TC2N: variants seen among roughly 807,000 people sequenced by gnomAD.
TC2N encodes the protein tandem C2 domains, nuclear.
TC2N carries 51 observed loss-of-function variants against 61.9 expected under a neutral mutation model. That is an observed-to-expected ratio of 0.82 (90% confidence interval 0.66 to 1.04). TC2N has a LOEUF of 1.04. Ranked by LOEUF, TC2N falls within the 50% of genes least tolerant of loss-of-function variation. The pLI is 0.00. For missense variants in TC2N, 556 were observed against 566.7 expected, an observed-to-expected ratio of 0.98 and a Z score of 0.19; for synonymous variants, 204 against 192.6, an observed-to-expected ratio of 1.06 and a Z score of -0.49.
intron 11 of TC2N, among the ~76,000 whole-genome samples, chr14:91,784,479 C>G (rs557797043): frequency 1.3e-4 from 20 of 152,152 alleles, no homozygotes; most frequent in Admixed American, 5.2e-4. Flanking sequence ...TTAATAATAT[C>G]TTGTCAAGTT....
At chr14:91,856,039 A>C (rs1888476231) in intron 1 of TC2N, among the ~76,000 whole-genome samples, 1 of 152,120 alleles carries the variant, frequency 6.6e-6, no homozygotes. Flanking sequence ...GAGAGAGGAG[A>C]AAAAAAGATG....
chr14:91,785,432 CCAAG>C, intron 10 of TC2N, 71 bp from the exon 11 acceptor site: 3 of 1,092,958 alleles, frequency 2.7e-6, no homozygotes, highest in Non-Finnish European at 4.1e-6. Flanking sequence ...ATATACACAT[CCAAG>C]TTGGAATATA....
intron 1 of TC2N, among the ~76,000 whole-genome samples, chr14:91,864,777 C>CTTTTTTTTTTTT (rs5810557): frequency 1.4e-5 from 1 of 70,800 alleles, no homozygotes. Flanking sequence ...CTGCCTTCAT[C>CTTTTTTTTTTTT]TTTTTTTTTT....
rs372400811 is a variant in TC2N, at chr14:91,814,056, GA to G, written c.-56-232del. 9.5e-3 allele frequency among the ~76,000 whole-genome samples: 1,399 copies of G among 146,996 alleles called. 11 individuals carry two copies. Among genetic ancestry groups the G allele is most frequent in the African/African-American group, 0.028 (1,111 of 40,308 alleles). ...TGAACAATCTCAATGTTAAAATCTG[GA>G]AAAAAAAAGAAAAATTCCATTCTTA... On this transcript the variant is annotated intron_variant, in intron 1 of 11. Transcript: ENST00000435962.
chr14:91,818,282 A>G (rs185909457), intron 1 of TC2N, among the ~76,000 whole-genome samples: 12 of 152,154 alleles, frequency 7.9e-5, no homozygotes, highest in East Asian at 1.9e-4. Flanking sequence ...CACACACACA[A>G]AAAAAGGAAG....
At chr14:91,857,881 T>C (rs964316483) in intron 1 of TC2N, among the ~76,000 whole-genome samples, 4 of 152,164 alleles carry the variant, frequency 2.6e-5, no homozygotes, top group African/African-American at 9.7e-5. Flanking sequence ...AGCAAAAAAG[T>C]GTTCATGCAG....
chr14:91,845,392 T>A (rs967836320), intron 1 of TC2N, among the ~76,000 whole-genome samples: 3 of 152,210 alleles, frequency 2.0e-5, no homozygotes, highest in African/African-American at 7.2e-5. Context: ...CAGATTGGAT[T>A]TGAACCCAAA....
chr14:91,783,227 G>C lies in TC2N; in HGVS notation c.1363-17C>G, dbSNP rs17127563. The C allele has an allele frequency of 0.013, 17,656 of 1,398,804 alleles. 167 individuals are homozygous for C. The highest frequency in any genetic ancestry group is 0.016 in the Middle Eastern group (89 of 5,650). The allele number at this position is 1,398,804 out of a possible 1,614,324, so 86.6% of individuals were successfully genotyped here. ...TATCCAAATCTGTAAAGGAAAGTATGTACAATCATTTAACTTGACACAATA... is the reference window on the plus strand; with the variant it reads ...TATCCAAATCTGTAAAGGAAAGTATCTACAATCATTTAACTTGACACAATA... On this transcript the variant is annotated splice_polypyrimidine_tract_variant and intron_variant, in intron 11 of 11. Transcript: ENST00000435962.
At chr14:91,792,124 A>G (rs892424710) in intron 9 of TC2N, among the ~76,000 whole-genome samples, 12 of 152,182 alleles carry the variant, frequency 7.9e-5, no homozygotes, top group Non-Finnish European at 1.0e-4. Context: ...ATCTCAAAGA[A>G]AAAAAGAAAA....
chr14:91,846,749 C>A (rs138232540), intron 1 of TC2N, among the ~76,000 whole-genome samples: 23 of 152,288 alleles, frequency 1.5e-4, no homozygotes, highest in African/African-American at 5.5e-4. Flanking sequence ...ATTGCAAAAC[C>A]TTTGTATTAA....
intron 4 of TC2N, among the ~76,000 whole-genome samples, chr14:91,800,989 T>C (rs1016498097): frequency 2.0e-5 from 3 of 151,014 alleles, no homozygotes; most frequent in African/African-American, 4.9e-5. Flanking sequence ...TACATATATA[T>C]ACACACACAT....
In TC2N at chr14:91,813,776, CA is replaced by C. The variant is rs750580727; in HGVS notation, c.-8del. 1 of 1,597,766 alleles carries C rather than the reference CA, an allele frequency of 6.3e-7. No homozygotes were observed. The highest frequency in any genetic ancestry group is 8.6e-7 in the Non-Finnish European group (1 of 1,167,008). ...TTATAAATTCTGTTGCCATTACATT[CA>C]ATTTCCAATATCCAGCAAAAGACAC... On this transcript the variant is annotated 5_prime_UTR_variant, in exon 2 of 12. The change creates a new upstream start codon in the 5' untranslated region. Transcript: ENST00000435962.
At chr14:91,863,171 T>A (rs559556830) in intron 1 of TC2N, among the ~76,000 whole-genome samples, 24 of 152,244 alleles carry the variant, frequency 1.6e-4, no homozygotes, top group African/African-American at 5.8e-4. Context: ...CAAAACAAAA[T>A]AAGACAAAAC....
At chr14:91,856,706 G>A (rs1323369782) in intron 1 of TC2N, among the ~76,000 whole-genome samples, 1 of 152,136 alleles carries the variant, frequency 6.6e-6, no homozygotes, top group Non-Finnish European at 1.5e-5. Context: ...GACCGAAGAG[G>A]CAGCAGTCCA....
chr14:91,812,838 T>TTATATATATA (rs1273864530), intron 2 of TC2N, among the ~76,000 whole-genome samples: 1 of 151,640 alleles, frequency 6.6e-6, no homozygotes, highest in African/African-American at 2.4e-5. Flanking sequence ...TATTTTGTAG[T>TTATATATATA]CAGTTATATA....
At chr14:91,821,305 A>G (rs1171500415) in intron 1 of TC2N, among the ~76,000 whole-genome samples, 1 of 152,086 alleles carries the variant, frequency 6.6e-6, no homozygotes, top group East Asian at 1.9e-4. Flanking sequence ...CAGAGCCCAG[A>G]AATACACCCT....
In TC2N at chr14:91,780,940, T is replaced by C. The variant is rs1322737745; in HGVS notation, c.*2160A>G. 1 of 152,146 alleles carries C rather than the reference T, an allele frequency of 6.6e-6. No homozygotes were observed. The highest frequency in any genetic ancestry group is 1.5e-5 in the Non-Finnish European group (1 of 68,000). 9.4% of individuals were successfully genotyped at this position (152,146 alleles called of 1,614,324 possible). ...AGGATCTTAGTTGTATCAATACTTCTGTACCTGAAAGCTCTTTTAAATGTA... is the reference window on the plus strand; with the variant it reads ...AGGATCTTAGTTGTATCAATACTTCCGTACCTGAAAGCTCTTTTAAATGTA... On this transcript the variant is annotated 3_prime_UTR_variant, in exon 12 of 12. Coordinates refer to ENST00000435962, the MANE Select transcript of TC2N (RefSeq NM_001128596.3).
At chr14:91,856,614 C>T (rs1359312513) in intron 1 of TC2N, among the ~76,000 whole-genome samples, 2 of 152,138 alleles carry the variant, frequency 1.3e-5, no homozygotes, top group Non-Finnish European at 2.9e-5. Context: ...GCTGTCTATA[C>T]TGTGGCTGTT....
chr14:91,820,791 T>C (rs1346562139), intron 1 of TC2N, among the ~76,000 whole-genome samples: 1 of 151,704 alleles, frequency 6.6e-6, no homozygotes, highest in African/African-American at 2.4e-5. Flanking sequence ...CAAAAGTTAA[T>C]TGCATTTCTA....
Sources: gnomAD v4.1 joint callset for allele counts (sites outside exome capture counted in the v4.1 genomes callset) on GRCh38, gnomAD v4.1.1 for gene constraint, MANE v1.5 for transcripts, NCBI Gene and HGNC (gene_info 2026-07-23, HGNC 2026-07-21) for gene names.